Variants in METTL16 observed in about 807,000 individuals in gnomAD.
The protein encoded by METTL16 is methyltransferase 16, RNA N6-adenosine.
A neutral mutation model predicts 57.9 loss-of-function variants in METTL16; 19 were observed. That is an observed-to-expected ratio of 0.33 (90% CI 0.23 to 0.48). The LOEUF is 0.48. Ranked by LOEUF, METTL16 falls within the 20% of genes least tolerant of loss-of-function variation. METTL16 has a pLI of 0.99. For synonymous variants in METTL16, 246 were observed against 255.6 expected (o/e 0.96, Z 0.36); for missense variants, 434 against 691.5 (o/e 0.63, Z 4.18).
At chr17:2,505,284 A>G (rs1354757647) in intron 1 of METTL16, among the ~76,000 whole-genome samples, 1 of 151,732 alleles carries the variant, frequency 6.6e-6, no homozygotes, top group African/African-American at 2.4e-5. Flanking sequence ...TCTAGGAGTC[A>G]GTTGATAGTT....
chr17:2,432,048 C>T (rs996480852), intron 8 of METTL16, among the ~76,000 whole-genome samples: 11 of 152,036 alleles, frequency 7.2e-5, no homozygotes, highest in Admixed American at 3.9e-4. Context: ...AGGTTCACGC[C>T]GTTCTCCAGC....
intron 5 of METTL16, among the ~76,000 whole-genome samples, chr17:2,467,521 G>A (rs1879400128): frequency 6.6e-6 from 1 of 152,118 alleles, no homozygotes; most frequent in African/African-American, 2.4e-5. Flanking sequence ...TGCCTCCCGG[G>A]TTCTAGCGAT....
At chr17:2,496,446 G>A (rs74675516) in intron 2 of METTL16, among the ~76,000 whole-genome samples, 1,591 of 151,548 alleles carry the variant, frequency 0.01, 86 homozygotes, top group African/African-American at 0.037. Flanking sequence ...TTACAGACGT[G>A]CACCACTATA....
At chr17:2,423,570 A>G (rs894089902) in intron 8 of METTL16, among the ~76,000 whole-genome samples, 2 of 152,074 alleles carry the variant, frequency 1.3e-5, no homozygotes, top group Non-Finnish European at 2.9e-5. Flanking sequence ...GGGGGTGGAG[A>G]ATCAGACTCC....
chr17:2,492,146 G>A (rs1240280600), intron 2 of METTL16, among the ~76,000 whole-genome samples: 3 of 151,854 alleles, frequency 2.0e-5, no homozygotes, highest in Non-Finnish European at 4.4e-5. Context: ...GGGAGGCGGA[G>A]CTTGCAGTGA....
At chr17:2,494,833 A>C (rs1223363176) in intron 2 of METTL16, among the ~76,000 whole-genome samples, 1 of 151,934 alleles carries the variant, frequency 6.6e-6, no homozygotes. Context: ...CCCCATCTCT[A>C]CTAAAATACA....
intron 4 of METTL16, among the ~76,000 whole-genome samples, chr17:2,473,029 C>A (rs1431788717): frequency 2.6e-5 from 4 of 151,912 alleles, no homozygotes; most frequent in Non-Finnish European, 5.9e-5. Flanking sequence ...AGGTTCATCA[C>A]CTGTAACAAA....
intron 2 of METTL16, among the ~76,000 whole-genome samples, chr17:2,498,435 A>T (rs1210688049): frequency 6.7e-6 from 1 of 150,328 alleles, no homozygotes; most frequent in Non-Finnish European, 1.5e-5. Context: ...CAAAACAAAA[A>T]TCTTAAAAAT....
chr17:2,456,657 CAG>C (rs1438032245), intron 6 of METTL16, among the ~76,000 whole-genome samples: 1 of 152,110 alleles, frequency 6.6e-6, no homozygotes, highest in Non-Finnish European at 1.5e-5. Flanking sequence ...TTTGTAGACA[CAG>C]AGTCTTGCTA....
chr17:2,447,178 G>A (rs1298950829), intron 6 of METTL16, among the ~76,000 whole-genome samples: 1 of 146,646 alleles, frequency 6.8e-6, no homozygotes, highest in Non-Finnish European at 1.5e-5. Context: ...GAAGTGAGGA[G>A]CGTCTCTGCC....
chr17:2,457,262 T>TGGGAGGCGGAGGTTGCA (rs1567892583), intron 6 of METTL16, among the ~76,000 whole-genome samples: 1 of 130,152 alleles, frequency 7.7e-6, no homozygotes, highest in Non-Finnish European at 1.5e-5. Flanking sequence ...GGCGTGAACC[T>TGGGAGGCGGAGGTTGCA]GGGAGGCGGA....
intron 8 of METTL16, among the ~76,000 whole-genome samples, chr17:2,430,871 T>A (rs1006433127): frequency 6.6e-6 from 1 of 152,032 alleles, no homozygotes; most frequent in Non-Finnish European, 1.5e-5. Context: ...AGTATCCCAA[T>A]TTCTATCACC....
Position 2,420,333 on chromosome 17 carries a change from G to GGCA in METTL16, c.1323_1325dup (p.Ala443dup). On this transcript the variant is annotated inframe_insertion, in exon 10 of 10. Coordinates refer to ENST00000263092, the MANE Select transcript of METTL16 (RefSeq NM_024086.4). This position sits in a 1 kb window ranked among gnomAD's most constrained non-coding sequence, Gnocchi z 5.4. ...GGCTCGGGCACGGGCCCTCCACAGCGGCAGCCTCGCCTTCCCGCAGAGCAG... is the reference window on the plus strand; with the variant it reads ...GGCTCGGGCACGGGCCCTCCACAGCGGCAGCAGCCTCGCCTTCCCGCAGAGCAG... The GGCA allele has an allele frequency of 6.2e-7, 1 of 1,611,794 alleles. No individual in the cohort carries two copies. Among genetic ancestry groups the GGCA allele is most frequent in the Non-Finnish European group, 8.5e-7 (1 of 1,180,000 alleles).
intron 8 of METTL16, among the ~76,000 whole-genome samples, chr17:2,430,001 C>CG (rs554628367): frequency 1.3e-5 from 2 of 149,344 alleles, no homozygotes; most frequent in African/African-American, 2.4e-5. Context: ...TTAGTGGAGA[C>CG]GGGGGTTTCA....
chr17:2,493,994 C>T (rs2067421539), intron 2 of METTL16, among the ~76,000 whole-genome samples: 1 of 152,134 alleles, frequency 6.6e-6, no homozygotes, highest in African/African-American at 2.4e-5. Flanking sequence ...AGACACATTT[C>T]TTCTTCCCTG....
chr17:2,429,523 C>T (rs1437701528), intron 8 of METTL16, among the ~76,000 whole-genome samples: 1 of 150,806 alleles, frequency 6.6e-6, no homozygotes, highest in African/African-American at 2.4e-5. Context: ...ACTAGATGAA[C>T]TGTACTTCAA....
intron 8 of METTL16, chr17:2,424,170 G>A (rs1203406493): frequency 4.0e-5 from 6 of 149,868 alleles, no homozygotes; most frequent in African/African-American, 1.2e-4. Context: ...CTGGAGTGCA[G>A]TGGCGGGATC....
intron 7 of METTL16, among the ~76,000 whole-genome samples, chr17:2,439,623 A>G (rs958530996): frequency 6.6e-6 from 1 of 152,076 alleles, no homozygotes; most frequent in Non-Finnish European, 1.5e-5. Context: ...TCTTGGAGGC[A>G]TAGTAAAAAA....
intron 6 of METTL16, among the ~76,000 whole-genome samples, chr17:2,454,485 TA>T (rs2067094089): frequency 6.6e-6 from 1 of 151,812 alleles, no homozygotes; most frequent in South Asian, 2.1e-4. Flanking sequence ...TAACTAAAAA[TA>T]AACTTTTATC....
Sources: gnomAD v4.1 joint callset for allele counts (sites outside exome capture counted in the v4.1 genomes callset) on GRCh38, gnomAD v4.1.1 for gene constraint, Gnocchi (gnomAD v3.1) non-coding constraint, MANE v1.5 for transcripts, NCBI Gene and HGNC (gene_info 2026-07-23, HGNC 2026-07-21) for gene names.